TMCO4: variants seen among roughly 807,000 people sequenced by gnomAD.
The protein encoded by TMCO4 is transmembrane and coiled-coil domain-containing protein 4.
TMCO4 carries 58 observed loss-of-function variants against 64.7 expected under a neutral mutation model. The observed-to-expected ratio is 0.90, with a 90% CI of 0.73 to 1.12. TMCO4 has a LOEUF of 1.12. Ranked by LOEUF, TMCO4 falls within the 50% of genes most tolerant of loss-of-function variation. The pLI is 0.00. For synonymous variants in TMCO4, 325 were observed against 346.1 expected (o/e 0.94, Z 0.68); for missense variants, 780 against 825.9 (o/e 0.94, Z 0.68).
chr1:19,771,227 G>A (rs1218132854), intron 5 of TMCO4, 81 bp downstream of exon 5: 1 of 1,497,252 alleles, frequency 6.7e-7, no homozygotes, highest in East Asian at 2.3e-5. Flanking sequence ...CACCCCACTA[G>A]AAGTGATTTT....
In TMCO4 at chr1:19,739,887, C is replaced by T; in HGVS notation, c.1116G>A (p.Val372=). Residue 372 remains valine, a synonymous_variant, in exon 12 of 16, where the codon GTG becomes GTA. Transcript: ENST00000294543. ...VANVIDNPWG[V]CLHRSAEVGK... ...CAACCTCTGCTGATCGATGGAGACACACCCCCCAGGGGTTGTCGATGACAT... is the reference window on the plus strand; with the variant it reads ...CAACCTCTGCTGATCGATGGAGACATACCCCCCAGGGGTTGTCGATGACAT... The T allele has an allele frequency of 6.2e-7, 1 of 1,614,002 alleles. No homozygotes were observed. The highest frequency in any genetic ancestry group is 8.5e-7 in the Non-Finnish European group (1 of 1,179,980).
intron 6 of TMCO4, 89 bp downstream of exon 6, chr1:19,770,453 G>GC: frequency 6.8e-7 from 1 of 1,474,028 alleles, no homozygotes; most frequent in Non-Finnish European, 9.5e-7. Context: ...GGGGGACCCG[G>GC]CCCCAGGTGG....
chr1:19,687,376 G>T (rs904144675), intron 15 of TMCO4, among the ~76,000 whole-genome samples: 1 of 152,260 alleles, frequency 6.6e-6, no homozygotes, highest in East Asian at 1.9e-4. Context: ...CATGAGCCAC[G>T]ATGCCCTGCC....
chr1:19,784,141 G>T (rs934942103), intron 3 of TMCO4, among the ~76,000 whole-genome samples: 1 of 152,144 alleles, frequency 6.6e-6, no homozygotes, highest in Non-Finnish European at 1.5e-5. Flanking sequence ...GAAGCCCCAC[G>T]CCAGTTCTTA....
chr1:19,682,446 C>T lies in TMCO4; in HGVS notation c.*594G>A, dbSNP rs964735139. ...CACATTGTGTCTGTGTGACTCATGT[C>T]CCTGGAGTTATGCAGCGCACAGCCT... is the stretch of plus-strand genomic sequence containing the variant. On this transcript the variant is annotated 3_prime_UTR_variant, in exon 16 of 16. Transcript: ENST00000294543. The T allele has an allele frequency of 1.7e-6, 1 of 595,812 alleles. No individual in the cohort carries two copies. The highest frequency in any genetic ancestry group is 4.5e-4 in the Middle Eastern group (1 of 2,242). The allele number at this position is 595,812 out of a possible 1,614,324, so 36.9% of individuals were successfully genotyped here. A position where few individuals can be genotyped will look rare whatever the true frequency, so the allele number is the denominator to read the frequency against.
Position 19,682,853 on chromosome 1 carries a change from G to A in TMCO4, c.*187C>T, listed in dbSNP as rs1045610800. Reference sequence around the variant, plus strand: ...TCTGGGGACAGGCAGCTTCCCAAGGGTGGGCGTGTTCTCTCCTCCAAATTC... The same window carrying A: ...TCTGGGGACAGGCAGCTTCCCAAGGATGGGCGTGTTCTCTCCTCCAAATTC... On this transcript the variant is annotated 3_prime_UTR_variant, in exon 16 of 16. Coordinates refer to ENST00000294543, the MANE Select transcript of TMCO4 (RefSeq NM_181719.7). 1.2e-6 allele frequency: 1 copy of A among 867,890 alleles called. No individual in the cohort carries two copies. The highest frequency in any genetic ancestry group is 2.3e-4 in the Middle Eastern group (1 of 4,340). 53.8% of individuals were successfully genotyped at this position (867,890 alleles called of 1,614,324 possible).
chr1:19,755,406 T>C (rs2042202068), intron 7 of TMCO4, among the ~76,000 whole-genome samples: 1 of 152,194 alleles, frequency 6.6e-6, no homozygotes, highest in African/African-American at 2.4e-5. Flanking sequence ...TAAGCCACCA[T>C]GCCTGGCACA....
chr1:19,742,061 ATCT>A (rs1409972252), intron 10 of TMCO4, among the ~76,000 whole-genome samples: 3 of 151,942 alleles, frequency 2.0e-5, no homozygotes, highest in Admixed American at 2.0e-4. Context: ...CAAAACACAA[ATCT>A]TCTCCCATTC....
intron 13 of TMCO4, among the ~76,000 whole-genome samples, chr1:19,717,274 G>A (rs1237192985): frequency 2.6e-5 from 4 of 152,186 alleles, no homozygotes; most frequent in Non-Finnish European, 1.5e-5. Flanking sequence ...CTGCAGGGAG[G>A]ACTGGCTGAA....
chr1:19,750,525 T>C (rs2041982309), intron 7 of TMCO4, among the ~76,000 whole-genome samples: 1 of 152,184 alleles, frequency 6.6e-6, no homozygotes. Context: ...CAGCAGCCAA[T>C]GCCAAGTATT....
At chr1:19,728,693 T>G (rs920288097) in intron 13 of TMCO4, among the ~76,000 whole-genome samples, 6 of 152,198 alleles carry the variant, frequency 3.9e-5, no homozygotes, top group African/African-American at 1.4e-4. Flanking sequence ...TCCGTCTGCA[T>G]GAAGGCCCCT....
chr1:19,791,563 C>T (rs750160724), intron 2 of TMCO4, among the ~76,000 whole-genome samples: 1 of 152,192 alleles, frequency 6.6e-6, no homozygotes, highest in Non-Finnish European at 1.5e-5. Context: ...GGGGCCTCCA[C>T]CCCTTGATCT....
chr1:19,775,967 G>T (rs2101045902), intron 4 of TMCO4, among the ~76,000 whole-genome samples: 1 of 152,252 alleles, frequency 6.6e-6, no homozygotes, highest in African/African-American at 2.4e-5. Context: ...CCAGGCTGTG[G>T]CATGATCTCG....
chr1:19,785,393 CTTAT>C (rs1206653213), intron 3 of TMCO4, among the ~76,000 whole-genome samples: 1 of 152,038 alleles, frequency 6.6e-6, no homozygotes, highest in Non-Finnish European at 1.5e-5. Context: ...TTTTGTTTTA[CTTAT>C]TTGTTTACCT....
At chr1:19,790,123 G>A (rs2043957218) in intron 2 of TMCO4, among the ~76,000 whole-genome samples, 1 of 150,112 alleles carries the variant, frequency 6.7e-6, no homozygotes, top group Admixed American at 6.6e-5. Flanking sequence ...CTAGCCGTAT[G>A]CAGAAAATTG....
intron 13 of TMCO4, among the ~76,000 whole-genome samples, chr1:19,716,804 T>C (rs1297606869): frequency 6.6e-6 from 1 of 152,148 alleles, no homozygotes; most frequent in African/African-American, 2.4e-5. Flanking sequence ...ATCCTTCTCT[T>C]GGTGCAGTTC....
chr1:19,735,232 A>G (rs2095448458), intron 13 of TMCO4, among the ~76,000 whole-genome samples: 1 of 152,140 alleles, frequency 6.6e-6, no homozygotes, highest in African/African-American at 2.4e-5. Context: ...GAGTGTACCC[A>G]AACTGGGGCC....
intron 4 of TMCO4, among the ~76,000 whole-genome samples, chr1:19,780,235 ATC>A (rs1434673439): frequency 6.6e-6 from 1 of 152,204 alleles, no homozygotes; most frequent in Admixed American, 6.5e-5. Context: ...AGATTTCTTC[ATC>A]TACAGATGGG....
Position 19,723,069 on chromosome 1 carries a change from G to A in TMCO4, c.1264+14303C>T, listed in dbSNP as rs560074876. On this transcript the variant is annotated intron_variant, in intron 13 of 15. Coordinates refer to ENST00000294543, the MANE Select transcript of TMCO4 (RefSeq NM_181719.7). Reference sequence around the variant, plus strand: ...CTCCCTCCTCTGAGCAAGGCAAGTCGCTGGAGGAGGTTAGGGCCACCTTCT... The same window carrying A: ...CTCCCTCCTCTGAGCAAGGCAAGTCACTGGAGGAGGTTAGGGCCACCTTCT... Among the ~76,000 whole-genome samples the A allele has an allele frequency of 1.5e-3, 233 of 152,158 alleles. 1 individual carries two copies. Among genetic ancestry groups the A allele is most frequent in the Non-Finnish European group, 2.9e-3 (200 of 68,012 alleles).
Sources: gnomAD v4.1 joint callset for allele counts (sites outside exome capture counted in the v4.1 genomes callset) on GRCh38, gnomAD v4.1.1 for gene constraint, MANE v1.5 for transcripts, NCBI Gene and HGNC (gene_info 2026-07-23, HGNC 2026-07-21) for gene names.